Variants in HTT observed in about 807,000 individuals in gnomAD.
HTT encodes the protein huntington disease protein.
HTT carries 104 observed loss-of-function variants against 362.3 expected under a neutral mutation model. The observed-to-expected ratio is 0.29, with a 90% CI of 0.24 to 0.34. The LOEUF is 0.34. Ranked by LOEUF, HTT falls within the 10% of genes least tolerant of loss-of-function variation. The probability of loss-of-function intolerance (pLI) is 1.00; values close to 1 mark genes in which losing one functional copy is unlikely to be tolerated. For synonymous variants in HTT, 1,577 were observed against 1,548.7 expected, an observed-to-expected ratio of 1.02 and a Z score of -0.43; for missense variants, 3,301 against 3,928.6, an observed-to-expected ratio of 0.84 and a Z score of 4.27.
chr4:3,182,213 G>T (rs1718556767), intron 36 of HTT, 141 bp from the exon 37 acceptor site: 6 of 596,490 alleles, frequency 1.0e-5, no homozygotes, highest in Non-Finnish European at 1.8e-5. Context: ...TTGCATTAGT[G>T]TCCCCCTGTC....
In HTT at chr4:3,236,138, T is replaced by C. The variant is rs904665390; in HGVS notation, c.8786-11T>C. Reference sequence around the variant, plus strand: ...TAGAGGTAACCTTCGTACTGAACACTTTTGTTACAGGAAAGGAGAAAGTCA... The same window carrying C: ...TAGAGGTAACCTTCGTACTGAACACCTTTGTTACAGGAAAGGAGAAAGTCA... On this transcript the variant is annotated splice_polypyrimidine_tract_variant and intron_variant, in intron 63 of 66. Coordinates refer to ENST00000355072, the MANE Select transcript of HTT (RefSeq NM_001388492.1). The C allele has an allele frequency of 4.4e-6, 7 of 1,605,578 alleles. No individual in the cohort carries two copies. In the African/African-American group the frequency reaches 9.4e-5, roughly 21 times the overall value.
chr4:3,087,104 C>A, intron 2 of HTT, 82 bp downstream of exon 2: 1 of 712,058 alleles, frequency 1.4e-6, no homozygotes, highest in South Asian at 2.1e-5. Context: ...TCTTTGTGTC[C>A]CAGCTATTTT....
At chr4:3,144,893 G>C (rs1042207755) in intron 23 of HTT, among the ~76,000 whole-genome samples, 6 of 152,180 alleles carry the variant, frequency 3.9e-5, no homozygotes. Context: ...TTGAGAGGCG[G>C]AAGGGTGGGA....
intron 36 of HTT, chr4:3,180,886 T>A (rs1256395241): frequency 1.2e-5 from 4 of 332,804 alleles, no homozygotes; most frequent in African/African-American, 8.6e-5. Context: ...GTATCCTTTT[T>A]TTTTTTTTGA....
At chr4:3,154,237 T>C (rs1057112332) in intron 26 of HTT, 56 bp from the exon 27 acceptor site, 18 of 1,358,566 alleles carry the variant, frequency 1.3e-5, no homozygotes, top group Middle Eastern at 2.1e-4. Context: ...AGTTTTGTTA[T>C]ACTTCCATCA....
chr4:3,155,224 A>T (rs1193567172), intron 27 of HTT, among the ~76,000 whole-genome samples: 7 of 150,426 alleles, frequency 4.7e-5, no homozygotes, highest in Admixed American at 1.3e-4. Flanking sequence ...TATTTATTTT[A>T]TTTATTTATT....
intron 29 of HTT, among the ~76,000 whole-genome samples, chr4:3,167,328 C>G (rs1717768385): frequency 6.6e-6 from 1 of 152,168 alleles, no homozygotes; most frequent in Non-Finnish European, 1.5e-5. Flanking sequence ...ACCTCAGCCT[C>G]CTAGAGTGCT....
intron 11 of HTT, among the ~76,000 whole-genome samples, chr4:3,126,964 T>C (rs1187309440): frequency 6.6e-6 from 1 of 152,188 alleles, no homozygotes; most frequent in Admixed American, 6.5e-5. Flanking sequence ...TCTTTATATA[T>C]TGCTCCAGCT....
intron 41 of HTT, among the ~76,000 whole-genome samples, chr4:3,202,548 T>TGAA (rs1463165517): frequency 6.6e-6 from 1 of 152,170 alleles, no homozygotes; most frequent in African/African-American, 2.4e-5. Flanking sequence ...TGTACTTTTC[T>TGAA]ATCAACTGTA....
intron 41 of HTT, among the ~76,000 whole-genome samples, chr4:3,200,719 G>A (rs947878523): frequency 6.6e-6 from 1 of 152,260 alleles, no homozygotes; most frequent in Non-Finnish European, 1.5e-5. Context: ...AAAGTCCACT[G>A]TTGGGAGGCA....
At chr4:3,184,422 C>T (rs919119278) in intron 37 of HTT, among the ~76,000 whole-genome samples, 2 of 151,972 alleles carry the variant, frequency 1.3e-5, no homozygotes, top group Non-Finnish European at 2.9e-5. Flanking sequence ...CAGGATCATT[C>T]TTATTCCTGA....
intron 31 of HTT, among the ~76,000 whole-genome samples, chr4:3,173,967 G>A (rs1288993120): frequency 1.3e-5 from 2 of 152,204 alleles, no homozygotes; most frequent in East Asian, 1.9e-4. Context: ...CACCGCGCCC[G>A]GCCTCTTTTC....
At position 3,215,177 on chromosome 4, in the gene HTT, CGAG is replaced by C. The variant is rs373205907; in HGVS notation, c.7032_7034del (p.Glu2345del). On this transcript the variant is annotated inframe_deletion, in exon 51 of 67. Coordinates refer to ENST00000355072, the MANE Select transcript of HTT (RefSeq NM_001388492.1). ...GGACAAATACCCCAAAAGCCATCAG[CGAG>C]GAGGAGGAGGAAGTAGATCCAAACA... is the stretch of plus-strand genomic sequence containing the variant. 1.8e-5 allele frequency: 29 copies of C among 1,612,212 alleles called. No individual in the cohort carries two copies. The highest frequency in any genetic ancestry group is 1.9e-5 in the Non-Finnish European group (22 of 1,178,636).
chr4:3,167,314 AC>A (rs546346224), intron 29 of HTT, among the ~76,000 whole-genome samples: 315 of 152,002 alleles, frequency 2.1e-3, no homozygotes, highest in Non-Finnish European at 3.6e-3. Context: ...CTTGTGATCC[AC>A]CCACCTCAGC....
chr4:3,097,258 A>T (rs778630200), intron 2 of HTT, among the ~76,000 whole-genome samples: 5 of 152,228 alleles, frequency 3.3e-5, no homozygotes, highest in Non-Finnish European at 7.3e-5. Context: ...GGTAAAGCTG[A>T]TAGGAAAAAC....
intron 9 of HTT, 74 bp from the exon 10 acceptor site, chr4:3,122,815 T>C: frequency 8.3e-7 from 1 of 1,200,324 alleles, no homozygotes; most frequent in Non-Finnish European, 1.2e-6. Flanking sequence ...TGAATCAAGC[T>C]GTTTGAAGAT....
intron 12 of HTT, among the ~76,000 whole-genome samples, chr4:3,127,856 A>T (rs1183794287): frequency 1.3e-5 from 2 of 151,846 alleles, no homozygotes; most frequent in Non-Finnish European, 2.9e-5. Flanking sequence ...CCCAGCTGTT[A>T]GGGAGGCTGA....
chr4:3,084,105 A>G (rs1465727180), intron 1 of HTT, among the ~76,000 whole-genome samples: 2 of 151,128 alleles, frequency 1.3e-5, no homozygotes, highest in African/African-American at 4.9e-5. Flanking sequence ...GTAGTAGAGT[A>G]GGTTAGTGGT....
intron 21 of HTT, among the ~76,000 whole-genome samples, chr4:3,138,290 G>A (rs1307468602): frequency 1.3e-5 from 2 of 151,914 alleles, no homozygotes; most frequent in Admixed American, 6.6e-5. Context: ...TTGGTTACAT[G>A]GCTGAATTTT....
Sources: gnomAD v4.1 joint callset for allele counts (sites outside exome capture counted in the v4.1 genomes callset) on GRCh38, gnomAD v4.1.1 for gene constraint, MANE v1.5 for transcripts, NCBI Gene and HGNC (gene_info 2026-07-23, HGNC 2026-07-21) for gene names.